The following FXN variants were observed in gnomAD, a reference collection of about 807,000 sequenced individuals.
FXN encodes frataxin, mitochondrial.
A neutral mutation model predicts 22.4 loss-of-function variants in FXN; 14 were observed. The ratio of observed to expected loss-of-function variants is 0.62; its 90% CI spans 0.41 to 0.98. The LOEUF (loss-of-function observed/expected upper bound fraction) is 0.98. Among genes scored for constraint, FXN ranks in the 50% least tolerant of loss-of-function variants. The pLI is 0.00. For missense variants in FXN, 267 were observed against 268.4 expected (o/e 0.99, Z 0.04); for synonymous variants, 120 against 114.1 (o/e 1.05, Z -0.33).
At chr9:69,060,841 A>T (rs550661442) in intron 3 of FXN, among the ~76,000 whole-genome samples, 1 of 152,278 alleles carries the variant, frequency 6.6e-6, no homozygotes, top group Non-Finnish European at 1.5e-5. Context: ...TGCAGGAGGG[A>T]TGGAGGTGCT....
chr9:69,042,800 G>A (rs1248893284), intron 1 of FXN, among the ~76,000 whole-genome samples: 2 of 152,172 alleles, frequency 1.3e-5, no homozygotes, highest in East Asian at 3.8e-4. Flanking sequence ...CCTGAGGTGA[G>A]CCCCACATTC....
At chr9:69,068,192 G>C (rs1353452716) in intron 4 of FXN, among the ~76,000 whole-genome samples, 2 of 152,198 alleles carry the variant, frequency 1.3e-5, no homozygotes, top group African/African-American at 2.4e-5. Flanking sequence ...GCTATGACCT[G>C]GCCCTGCTTT....
At chr9:69,059,190 G>A (rs569220832) in intron 3 of FXN, among the ~76,000 whole-genome samples, 3 of 152,232 alleles carry the variant, frequency 2.0e-5, no homozygotes, top group Non-Finnish European at 2.9e-5. Flanking sequence ...GCCAAAACTC[G>A]GTGATTGGTA....
At chr9:69,066,178 T>C (rs1019577228) in intron 4 of FXN, among the ~76,000 whole-genome samples, 2 of 152,204 alleles carry the variant, frequency 1.3e-5, no homozygotes, top group Admixed American at 6.5e-5. Context: ...AGTCATTCAT[T>C]AGCACTTCCA....
chr9:69,070,449 G>C (rs1832253322), intron 4 of FXN, among the ~76,000 whole-genome samples: 2 of 152,176 alleles, frequency 1.3e-5, no homozygotes, highest in African/African-American at 4.8e-5. Context: ...TGGGCCACCA[G>C]GGCCACCAGG....
intron 3 of FXN, among the ~76,000 whole-genome samples, chr9:69,058,600 T>TA (rs11394940): frequency 0.25 from 35,644 of 142,832 alleles, 4,250 homozygotes; most frequent in Middle Eastern, 0.35. Flanking sequence ...ACTCACCTGT[T>TA]AAAAAAAAAA....
At position 69,073,865 on chromosome 9, in the gene FXN, T is replaced by G; in HGVS notation, c.*1103T>G. 3.0e-6 allele frequency: 3 copies of G among 985,398 alleles called. No individual in the cohort carries two copies. Among genetic ancestry groups the G allele is most frequent in the Non-Finnish European group, 3.6e-6 (3 of 829,920 alleles). 61.0% of individuals were successfully genotyped at this position (985,398 alleles called of 1,614,324 possible). On this transcript the variant is annotated 3_prime_UTR_variant, in exon 5 of 5. Coordinates refer to ENST00000484259, the MANE Select transcript of FXN (RefSeq NM_000144.5). ...TGTTATTGGTGTTGCCCTATCGTGA[T>G]TTCAGTTGAATTCATGTGAAAATAA...
chr9:69,055,206 C>A (rs902729493), intron 3 of FXN, among the ~76,000 whole-genome samples: 2 of 152,180 alleles, frequency 1.3e-5, no homozygotes, highest in Non-Finnish European at 2.9e-5. Flanking sequence ...GGAACTCTTA[C>A]AAACTGACCT....
intron 2 of FXN, among the ~76,000 whole-genome samples, chr9:69,052,540 T>A (rs1831872465): frequency 2.6e-5 from 3 of 115,244 alleles, no homozygotes; most frequent in Admixed American, 1.6e-4. Context: ...TGTTTAAATT[T>A]TTTTTTTTTT....
intron 3 of FXN, among the ~76,000 whole-genome samples, chr9:69,064,476 C>T (rs1213279696): frequency 6.6e-6 from 1 of 152,222 alleles, no homozygotes; most frequent in African/African-American, 2.4e-5. Context: ...ACTTCCTTAC[C>T]TTCCTTTTAC....
chr9:69,078,436 C>T lies in FXN; in HGVS notation c.*5674C>T. On this transcript the variant is annotated 3_prime_UTR_variant, in exon 5 of 5. Transcript: ENST00000484259. ...ATTTTTGCAGGAGCTTTCTTATATC[C>T]ACCTTCCTCCTTTTCTCTCAGCCCA... The T allele has an allele frequency of 1.0e-6, 1 of 985,376 alleles. No homozygotes were observed. The highest frequency in any genetic ancestry group is 1.2e-6 in the Non-Finnish European group (1 of 829,936). The allele number at this position is 985,376 out of a possible 1,614,324, so 61.0% of individuals were successfully genotyped here.
At chr9:69,047,303 G>A (rs1000390367) in intron 2 of FXN, among the ~76,000 whole-genome samples, 20 of 141,422 alleles carry the variant, frequency 1.4e-4, no homozygotes, top group Non-Finnish European at 2.8e-4. Context: ...CCCAGCTTTA[G>A]GAATGGCTTC....
chr9:69,043,895 A>G (rs948836481), intron 1 of FXN, among the ~76,000 whole-genome samples: 1 of 151,478 alleles, frequency 6.6e-6, no homozygotes, highest in Non-Finnish European at 1.5e-5. Context: ...CATGTTTTTT[A>G]TTTTTCAAGT....
chr9:69,036,850 T>C (rs932452791), intron 1 of FXN, among the ~76,000 whole-genome samples: 2 of 152,066 alleles, frequency 1.3e-5, no homozygotes, highest in African/African-American at 4.8e-5. Context: ...TGGTATTTAA[T>C]GAGGGTCTTG....
intron 1 of FXN, among the ~76,000 whole-genome samples, chr9:69,037,532 C>A (rs1308176592): frequency 2.0e-5 from 3 of 152,074 alleles, no homozygotes; most frequent in African/African-American, 4.8e-5. Context: ...GAAAAATAGG[C>A]AAGTGTGGCC....
At chr9:69,062,976 T>C (rs964003930) in intron 3 of FXN, among the ~76,000 whole-genome samples, 2 of 151,728 alleles carry the variant, frequency 1.3e-5, no homozygotes, top group South Asian at 4.2e-4. Context: ...GGTAGGAGGA[T>C]CACTTGAGGC....
At position 69,076,775 on chromosome 9, in the gene FXN, A is replaced by G. The variant is rs1832377887; in HGVS notation, c.*4013A>G. On this transcript the variant is annotated 3_prime_UTR_variant, in exon 5 of 5. Coordinates refer to ENST00000484259, the MANE Select transcript of FXN (RefSeq NM_000144.5). ...CCGTGTCCAGTTGGATTCTTGGCAC[A>G]TAGTTATCTTCTGCTAGAACAAACT... The G allele has an allele frequency of 6.1e-6, 6 of 985,486 alleles. No homozygotes were observed. The highest frequency in any genetic ancestry group is 7.2e-6 in the Non-Finnish European group (6 of 829,940). 61.0% of individuals were successfully genotyped at this position (985,486 alleles called of 1,614,324 possible).
At chr9:69,052,932 T>G (rs1831880060) in intron 2 of FXN, among the ~76,000 whole-genome samples, 1 of 147,420 alleles carries the variant, frequency 6.8e-6, no homozygotes, top group Non-Finnish European at 1.5e-5. Flanking sequence ...TCACTTGATG[T>G]CACGAGTTCA....
chr9:69,069,849 A>G (rs1000481324), intron 4 of FXN, among the ~76,000 whole-genome samples: 4 of 152,208 alleles, frequency 2.6e-5, no homozygotes, highest in African/African-American at 9.6e-5. Flanking sequence ...CTTGAACCAC[A>G]TGTGTCACAC....
Sources: allele counts gnomAD v4.1 joint callset (sites outside exome capture counted in the v4.1 genomes callset), GRCh38; gene constraint gnomAD v4.1.1; transcripts MANE v1.5; gene names NCBI Gene and HGNC (gene_info 2026-07-23, HGNC 2026-07-21).